The following OR1J2 variants were observed in gnomAD, a reference collection of about 807,000 sequenced individuals.
The protein encoded by OR1J2 is olfactory receptor 1J2.
For synonymous variants in OR1J2, 142 were observed against 99.7 expected, an observed-to-expected ratio of 1.42 and a Z score of -2.52; for missense variants, 304 against 246.1, an observed-to-expected ratio of 1.24 and a Z score of -1.57.
chr9:122,518,595 T>C, the OR1J2 span, among the ~76,000 whole-genome samples: 1 of 152,254 alleles, frequency 6.6e-6, no homozygotes, highest in Non-Finnish European at 1.5e-5. Context: ...ATTTACTTTT[T>C]TTATGGCAGT....
At chr9:122,484,505 A>G in the OR1J2 span, among the ~76,000 whole-genome samples, 4 of 152,122 alleles carry the variant, frequency 2.6e-5, no homozygotes, top group Non-Finnish European at 1.5e-5. Context: ...TGGCCAGTCT[A>G]CACAGCCAAT....
At chr9:122,526,448 C>A in the OR1J2 span, 1 of 1,537,080 alleles carries the variant, frequency 6.5e-7, no homozygotes, top group East Asian at 2.3e-5. Context: ...AGGGGTTCAA[C>A]ATGGGAGTCA....
chr9:122,525,028 A>G, the OR1J2 span, among the ~76,000 whole-genome samples: 4 of 152,146 alleles, frequency 2.6e-5, no homozygotes, highest in Non-Finnish European at 5.9e-5. Flanking sequence ...ATGTCAACAG[A>G]ATGGAAGGAG....
At chr9:122,461,091 G>T in the OR1J2 span, among the ~76,000 whole-genome samples, 1 of 151,828 alleles carries the variant, frequency 6.6e-6, no homozygotes, top group African/African-American at 2.4e-5. Flanking sequence ...TTACTGATTT[G>T]GATGCCCTTT....
chr9:122,487,573 C>G, the OR1J2 span, among the ~76,000 whole-genome samples: 1 of 151,968 alleles, frequency 6.6e-6, no homozygotes, highest in African/African-American at 2.4e-5. Flanking sequence ...TGGTATGAAC[C>G]AATCATTCAT....
the OR1J2 span, among the ~76,000 whole-genome samples, chr9:122,470,501 G>T: frequency 6.6e-6 from 1 of 152,212 alleles, no homozygotes; most frequent in Non-Finnish European, 1.5e-5. Context: ...CTTTGCTAGG[G>T]CAGGGTGCAA....
the OR1J2 span, among the ~76,000 whole-genome samples, chr9:122,566,233 C>G: frequency 4.6e-5 from 7 of 152,312 alleles, no homozygotes; most frequent in Non-Finnish European, 8.8e-5. Flanking sequence ...GAAAGTTTTT[C>G]TTCAACTGGT....
chr9:122,507,045 G>C (rs970377873), upstream of OR1J2, among the ~76,000 whole-genome samples: 9 of 152,084 alleles, frequency 5.9e-5, no homozygotes, highest in African/African-American at 1.9e-4. Flanking sequence ...ATTTTTCTTT[G>C]ATGACAAGCA....
At chr9:122,481,342 C>T in the OR1J2 span, among the ~76,000 whole-genome samples, 1 of 152,034 alleles carries the variant, frequency 6.6e-6, no homozygotes, top group Non-Finnish European at 1.5e-5. Flanking sequence ...AATGAATCTT[C>T]CTTTAAGTTT....
the OR1J2 span, among the ~76,000 whole-genome samples, chr9:122,518,857 C>T: frequency 6.6e-6 from 1 of 152,204 alleles, no homozygotes; most frequent in Non-Finnish European, 1.5e-5. Flanking sequence ...CGTTATCTTA[C>T]GATCCATCTG....
the OR1J2 span, chr9:122,567,453 T>C: frequency 1.1e-6 from 1 of 923,678 alleles, no homozygotes; most frequent in Non-Finnish European, 1.7e-6. Context: ...TCAGAAGTGC[T>C]AGCTTCCAAC....
chr9:122,569,016 C>A, the OR1J2 span, among the ~76,000 whole-genome samples: 1 of 152,106 alleles, frequency 6.6e-6, no homozygotes, highest in Admixed American at 6.5e-5. Context: ...TCAAAGCATA[C>A]TCAGTTGTGT....
At chr9:122,547,620 AGTGTGT>A in the OR1J2 span, among the ~76,000 whole-genome samples, 8,924 of 142,922 alleles carry the variant, frequency 0.062, 286 homozygotes, top group Middle Eastern at 0.074. Flanking sequence ...GTAGTAGTTC[AGTGTGT>A]GTGTGTGTGT....
the OR1J2 span, chr9:122,578,593 A>ATG: frequency 6.6e-6 from 1 of 152,186 alleles, no homozygotes; most frequent in East Asian, 1.9e-4. Context: ...ATCGTGATAT[A>ATG]TACATATACC....
chr9:122,474,894 G>A, the OR1J2 span, among the ~76,000 whole-genome samples: 1 of 152,152 alleles, frequency 6.6e-6, no homozygotes, highest in Non-Finnish European at 1.5e-5. Context: ...GGAGCCAGTG[G>A]ACTCCGTGTC....
upstream of OR1J2, among the ~76,000 whole-genome samples, chr9:122,510,520 G>T (rs146804871): frequency 3.9e-5 from 6 of 151,960 alleles, no homozygotes; most frequent in Admixed American, 3.9e-4. Context: ...AAGTTCTGGG[G>T]TACATGTGCA....
the OR1J2 span, among the ~76,000 whole-genome samples, chr9:122,531,424 A>T: frequency 6.6e-6 from 1 of 152,158 alleles, no homozygotes; most frequent in Non-Finnish European, 1.5e-5. Context: ...GGTGAATAGG[A>T]GTATGACTAG....
the OR1J2 span, among the ~76,000 whole-genome samples, chr9:122,452,984 C>T: frequency 1.9e-4 from 28 of 148,472 alleles, no homozygotes; most frequent in African/African-American, 5.3e-4. Context: ...GCCGAGATCA[C>T]GCCATTGCAC....
At chr9:122,519,462 A>G in the OR1J2 span, 1 of 1,613,874 alleles carries the variant, frequency 6.2e-7, no homozygotes, top group Admixed American at 1.7e-5. Flanking sequence ...CATATTTTTC[A>G]CTGATCTAGA....
Sources: gnomAD v4.1 joint callset for allele counts (sites outside exome capture counted in the v4.1 genomes callset) on GRCh38, gnomAD v4.1.1 for gene constraint, MANE v1.5 for transcripts, NCBI Gene and HGNC (gene_info 2026-07-23, HGNC 2026-07-21) for gene names.